IGFL2: variants seen among roughly 807,000 people sequenced by gnomAD.
IGFL2 encodes insulin growth factor-like family member 2.
IGFL2 carries 7 observed loss-of-function variants against 13.9 expected under a neutral mutation model. That is an observed-to-expected ratio of 0.51 (90% CI 0.29 to 0.95). IGFL2 has a LOEUF of 0.95. Among genes scored for constraint, IGFL2 ranks in the 40% least tolerant of loss-of-function variants. IGFL2 has a pLI of 0.08. For synonymous variants in IGFL2, 55 were observed against 55.8 expected (o/e 0.99, Z 0.07); for missense variants, 138 against 147.8 (o/e 0.93, Z 0.34).
At chr19:46,126,548 A>T in the IGFL2 span, among the ~76,000 whole-genome samples, 1 of 152,154 alleles carries the variant, frequency 6.6e-6, no homozygotes, top group Non-Finnish European at 1.5e-5. Flanking sequence ...GATACTCTTC[A>T]TCTCTTTATC....
chr19:46,169,311 A>G, the IGFL2 span, among the ~76,000 whole-genome samples: 2 of 152,246 alleles, frequency 1.3e-5, no homozygotes, highest in African/African-American at 2.4e-5. Flanking sequence ...AATTAGGTGA[A>G]TCAACCTGAA....
the IGFL2 span, among the ~76,000 whole-genome samples, chr19:46,116,522 A>G: frequency 6.6e-6 from 1 of 152,248 alleles, no homozygotes; most frequent in South Asian, 2.1e-4. Flanking sequence ...GCAATTTTTG[A>G]TTAGTATTAT....
the IGFL2 span, among the ~76,000 whole-genome samples, chr19:46,117,023 T>C: frequency 6.6e-6 from 1 of 152,154 alleles, no homozygotes; most frequent in Admixed American, 6.5e-5. Context: ...ACTTAATTGA[T>C]TGGAGTAAAA....
At chr19:46,128,868 T>A in the IGFL2 span, among the ~76,000 whole-genome samples, 1 of 152,214 alleles carries the variant, frequency 6.6e-6, no homozygotes, top group East Asian at 1.9e-4. Context: ...TAGAATAAGT[T>A]AGGGAGGAGT....
chr19:46,084,553 A>G, the IGFL2 span, among the ~76,000 whole-genome samples: 1 of 152,222 alleles, frequency 6.6e-6, no homozygotes, highest in Non-Finnish European at 1.5e-5. Flanking sequence ...TTGACTCACA[A>G]TTATGCAAGC....
intron 1 of IGFL2, among the ~76,000 whole-genome samples, chr19:46,154,806 T>C (rs1459458883): frequency 5.3e-5 from 8 of 152,186 alleles, no homozygotes; most frequent in Non-Finnish European, 5.9e-5. Context: ...CTTGGTTTTT[T>C]AGCACCAGAA....
the IGFL2 span, among the ~76,000 whole-genome samples, chr19:46,132,275 C>T: frequency 0.022 from 3,285 of 152,218 alleles, 115 homozygotes; most frequent in African/African-American, 0.075. Flanking sequence ...GGCCAAGCCA[C>T]GTTACAAAAG....
the IGFL2 span, among the ~76,000 whole-genome samples, chr19:46,098,387 A>G: frequency 4.6e-5 from 7 of 150,778 alleles, no homozygotes; most frequent in South Asian, 4.2e-4. Context: ...TTTTGAGCCT[A>G]TGTGTATCAT....
intron 1 of IGFL2, among the ~76,000 whole-genome samples, chr19:46,150,494 A>C (rs937067688): frequency 2.0e-5 from 3 of 152,318 alleles, no homozygotes; most frequent in Non-Finnish European, 2.9e-5. Flanking sequence ...TCTTTTTAAG[A>C]AGTTGACAAA....
chr19:46,134,575 A>G, the IGFL2 span, among the ~76,000 whole-genome samples: 1 of 152,202 alleles, frequency 6.6e-6, no homozygotes, highest in South Asian at 2.1e-4. Flanking sequence ...ATCATCAGAC[A>G]TTAGATTCTC....
At chr19:46,163,147 CTA>C (rs1314001306), downstream of IGFL2, among the ~76,000 whole-genome samples, 1 of 152,172 alleles carries the variant, frequency 6.6e-6, no homozygotes, top group Non-Finnish European at 1.5e-5. Context: ...TATGGCTCCC[CTA>C]TGTTTCCTCA....
chr19:46,081,087 C>G, the IGFL2 span, among the ~76,000 whole-genome samples: 2 of 152,192 alleles, frequency 1.3e-5, no homozygotes, highest in Non-Finnish European at 2.9e-5. Context: ...CGCCAGGCTT[C>G]CCACACAACT....
At chr19:46,150,619 T>G (rs1973428529) in intron 1 of IGFL2, among the ~76,000 whole-genome samples, 2 of 152,212 alleles carry the variant, frequency 1.3e-5, no homozygotes, top group African/African-American at 4.8e-5. Context: ...TATTACTTTT[T>G]GTCACTAGAA....
At chr19:46,124,048 A>G in the IGFL2 span, 2 of 1,611,556 alleles carry the variant, frequency 1.2e-6, no homozygotes, top group Non-Finnish European at 1.7e-6. Context: ...GGTCTCCTTT[A>G]AGGATAAGAT....
At chr19:46,137,370 G>A in the IGFL2 span, 9 of 1,106,858 alleles carry the variant, frequency 8.1e-6, no homozygotes, top group East Asian at 2.4e-5. Context: ...CAGACCTGTA[G>A]TGTAGACAGA....
the IGFL2 span, among the ~76,000 whole-genome samples, chr19:46,128,312 C>A: frequency 6.6e-6 from 1 of 152,108 alleles, no homozygotes; most frequent in Non-Finnish European, 1.5e-5. Context: ...GATGTACTCT[C>A]TTTTTATTTA....
the IGFL2 span, among the ~76,000 whole-genome samples, chr19:46,186,068 C>G: frequency 6.6e-6 from 1 of 152,170 alleles, no homozygotes; most frequent in East Asian, 1.9e-4. Context: ...ACCTCCTGTT[C>G]CAGCCAGGAA....
the IGFL2 span, among the ~76,000 whole-genome samples, chr19:46,205,725 A>G: frequency 6.6e-6 from 1 of 152,038 alleles, no homozygotes; most frequent in Non-Finnish European, 1.5e-5. Context: ...AACCTTGTGT[A>G]TTTACCCCAG....
the IGFL2 span, among the ~76,000 whole-genome samples, chr19:46,101,600 C>A: frequency 6.6e-6 from 1 of 152,242 alleles, no homozygotes; most frequent in Non-Finnish European, 1.5e-5. Flanking sequence ...CAGCCCCGAG[C>A]TGTAGTGATG....
Sources: allele counts gnomAD v4.1 joint callset (sites outside exome capture counted in the v4.1 genomes callset), GRCh38; gene constraint gnomAD v4.1.1; transcripts MANE v1.5; gene names NCBI Gene and HGNC (gene_info 2026-07-23, HGNC 2026-07-21).